The following TMTC4 variants were observed in gnomAD, a reference collection of about 807,000 sequenced individuals.
TMTC4 encodes protein O-mannosyl-transferase TMTC4.
In TMTC4, 65 loss-of-function variants were observed where a neutral mutation model predicts 86.0. That is an observed-to-expected ratio of 0.76 (90% CI 0.62 to 0.93). The LOEUF (loss-of-function observed/expected upper bound fraction) is 0.93. Ranked by LOEUF, TMTC4 falls within the 40% of genes least tolerant of loss-of-function variation. TMTC4 has a pLI of 0.00. For synonymous variants in TMTC4, 379 were observed against 382.5 expected (o/e 0.99, Z 0.11); for missense variants, 866 against 948.1 (o/e 0.91, Z 1.14).
intron 15 of TMTC4, among the ~76,000 whole-genome samples, chr13:100,620,167 T>C (rs1879259147): frequency 6.6e-6 from 1 of 152,202 alleles, no homozygotes; most frequent in Non-Finnish European, 1.5e-5. Flanking sequence ...TACCCTTCTG[T>C]ACTCTGCTCT....
chr13:100,668,870 G>C, intron 2 of TMTC4, 76 bp from the exon 3 acceptor site: 3 of 1,356,238 alleles, frequency 2.2e-6, no homozygotes, highest in Non-Finnish European at 3.1e-6. Flanking sequence ...CCGTGAGTAA[G>C]AGCTAGATAG....
At chr13:100,610,692 A>AG (rs1192293390) in intron 17 of TMTC4, among the ~76,000 whole-genome samples, 2 of 152,240 alleles carry the variant, frequency 1.3e-5, no homozygotes, top group Non-Finnish European at 2.9e-5. Flanking sequence ...ATGAACTGGA[A>AG]GCCAAACGAA....
Position 100,614,396 on chromosome 13 carries a change from T to C in TMTC4, c.1871A>G (p.Asn624Ser). The change falls in exon 16 of 19, where the codon AAT becomes AGT. Residue 624 changes from asparagine (N) to serine (S), a missense_variant. Coordinates refer to ENST00000342624, the MANE Select transcript of TMTC4 (RefSeq NM_032813.5). ...ADLNRHVDAL[N>S]AWRNATVLKP... ...CAGCACGGTGGCATTTCTCCACGCA[T>C]TCAAGGCATCCACGTGGCGATTGAG... The C allele has an allele frequency of 6.2e-7, 1 of 1,613,536 alleles. No individual in the cohort carries two copies. The highest frequency in any genetic ancestry group is 1.1e-5 in the South Asian group (1 of 91,068).
intron 12 of TMTC4, among the ~76,000 whole-genome samples, chr13:100,626,774 C>G (rs1880612067): frequency 6.6e-6 from 1 of 152,168 alleles, no homozygotes; most frequent in Non-Finnish European, 1.5e-5. Context: ...TTGGATGGCA[C>G]CTTTCTTCTA....
chr13:100,674,211 C>T, intron 1 of TMTC4: 1 of 981,868 alleles, frequency 1.0e-6, no homozygotes, highest in African/African-American at 1.8e-5. Context: ...CCGCTCCGCT[C>T]CGCAGCCGAG....
chr13:100,655,044 C>T (rs538046841), intron 6 of TMTC4, among the ~76,000 whole-genome samples: 5 of 118,966 alleles, frequency 4.2e-5, no homozygotes, highest in Admixed American at 1.1e-4. Flanking sequence ...TTTTGTGAGA[C>T]GGAGTGTCAC....
At chr13:100,662,239 G>A (rs1448460613) in intron 5 of TMTC4, among the ~76,000 whole-genome samples, 1 of 141,014 alleles carries the variant, frequency 7.1e-6, no homozygotes, top group Non-Finnish European at 1.5e-5. Flanking sequence ...TCCCCCAGGT[G>A]ATCAGGGTGA....
At chr13:100,662,208 A>G (rs1465992586) in intron 5 of TMTC4, among the ~76,000 whole-genome samples, 8 of 131,484 alleles carry the variant, frequency 6.1e-5, no homozygotes, top group South Asian at 5.8e-4. Flanking sequence ...ACCCTCCTCC[A>G]CCTCACCCTG....
chr13:100,637,076 C>T (rs1214933106), intron 9 of TMTC4, among the ~76,000 whole-genome samples: 3 of 152,116 alleles, frequency 2.0e-5, no homozygotes, highest in Admixed American at 6.5e-5. Context: ...TAACAGGCTT[C>T]GATGGCTGTT....
Position 100,627,203 on chromosome 13 carries a change from G to C in TMTC4, c.1507-1053C>G, listed in dbSNP as rs557521864. ...CTGGAGCACAGAGAGCAGGGATGCAGGTTGGAGAGCCCGGGAGGAGCAGCT... is the reference window on the plus strand; with the variant it reads ...CTGGAGCACAGAGAGCAGGGATGCACGTTGGAGAGCCCGGGAGGAGCAGCT... On this transcript the variant is annotated intron_variant, in intron 12 of 18. Transcript: ENST00000342624. 1.7e-3 allele frequency among the ~76,000 whole-genome samples: 258 copies of C among 152,360 alleles called. 2 individuals carry two copies. Among genetic ancestry groups the C allele is most frequent in the Non-Finnish European group, 2.4e-4 (16 of 68,032 alleles).
At chr13:100,653,087 T>C (rs979438495) in intron 6 of TMTC4, among the ~76,000 whole-genome samples, 101 of 152,336 alleles carry the variant, frequency 6.6e-4, no homozygotes, top group African/African-American at 2.2e-3. Context: ...AAAGGTATTA[T>C]TAATTTGCAG....
chr13:100,635,243 A>G (rs1882060907), intron 10 of TMTC4, 48 bp from the exon 11 acceptor site: 2 of 1,471,740 alleles, frequency 1.4e-6, no homozygotes, highest in African/African-American at 2.8e-5. Flanking sequence ...CAGACTTCTC[A>G]AGAAAAACAT....
chr13:100,649,324 A>T (rs551584106), intron 6 of TMTC4, among the ~76,000 whole-genome samples: 1 of 152,282 alleles, frequency 6.6e-6, no homozygotes, highest in Admixed American at 6.5e-5. Flanking sequence ...TAATTCCCCA[A>T]ATTAAGATTT....
At chr13:100,640,697 A>G (rs1594312952) in intron 7 of TMTC4, among the ~76,000 whole-genome samples, 2 of 151,876 alleles carry the variant, frequency 1.3e-5, no homozygotes, top group Admixed American at 6.6e-5. Context: ...GCACACACCT[A>G]CACTATACCA....
intron 12 of TMTC4, 78 bp from the exon 13 acceptor site, chr13:100,626,228 G>A: frequency 2.1e-6 from 3 of 1,432,712 alleles, no homozygotes; most frequent in Non-Finnish European, 2.0e-6. Flanking sequence ...TCTTCTAACT[G>A]AAGACAAAAG....
At chr13:100,652,437 C>T (rs1311065260) in intron 6 of TMTC4, among the ~76,000 whole-genome samples, 2 of 152,194 alleles carry the variant, frequency 1.3e-5, no homozygotes, top group East Asian at 1.9e-4. Flanking sequence ...TGAGATTGTA[C>T]CACTGCACTC....
At chr13:100,612,557 C>G (rs145062808) in intron 16 of TMTC4, 47 bp from the exon 17 acceptor site, 1 of 1,385,844 alleles carries the variant, frequency 7.2e-7, no homozygotes, top group East Asian at 2.3e-5. Flanking sequence ...ATGTTGTACT[C>G]GCATTTTAGC....
intron 6 of TMTC4, among the ~76,000 whole-genome samples, chr13:100,654,020 C>T (rs545454186): frequency 2.1e-4 from 32 of 152,358 alleles, no homozygotes; most frequent in African/African-American, 7.5e-4. Context: ...TAAATGAACG[C>T]TTTCCTTTTC....
In TMTC4 at chr13:100,637,991, A is replaced by G. The variant is rs374684545; in HGVS notation, c.773T>C (p.Ile258Thr). 2 of 1,613,962 alleles carry G rather than the reference A, an allele frequency of 1.2e-6. No individual in the cohort carries two copies. The highest frequency in any genetic ancestry group is 1.3e-5 in the African/African-American group (1 of 74,914). The change falls in exon 8 of 19, where the codon ATA becomes ACA. Residue 258 changes from isoleucine (I) to threonine (T), a missense_variant. Physicochemically the swap from Ile to Thr is moderately conservative, Grantham distance 89. Coordinates refer to ENST00000342624, the MANE Select transcript of TMTC4 (RefSeq NM_032813.5). ...GLNAVFDILVIGKFNVLEIVQ... is the reference protein window; with the variant it reads ...GLNAVFDILVTGKFNVLEIVQ... ...AATTTCCAGAACATTGAATTTGCCT[A>G]TCACCAAGATGTCAAATACCGCATT... is the stretch of plus-strand genomic sequence containing the variant.
Sources: allele counts gnomAD v4.1 joint callset (sites outside exome capture counted in the v4.1 genomes callset), GRCh38; gene constraint gnomAD v4.1.1; transcripts MANE v1.5; gene names NCBI Gene and HGNC (gene_info 2026-07-23, HGNC 2026-07-21).